The following NSG2 variants were observed in gnomAD, a reference collection of about 807,000 sequenced individuals.
NSG2 encodes the protein neuronal vesicle trafficking associated 2.
NSG2 carries 4 observed loss-of-function variants against 16.9 expected under a neutral mutation model. The ratio of observed to expected loss-of-function variants is 0.24; its 90% CI spans 0.12 to 0.54. The LOEUF is 0.54. Ranked by LOEUF, NSG2 falls within the 20% of genes least tolerant of loss-of-function variation. The pLI, the probability that NSG2 is intolerant of heterozygous loss-of-function variation, is 0.95. For missense variants in NSG2, 179 were observed against 221.1 expected (o/e 0.81, Z 1.21); for synonymous variants, 98 against 88.7 (o/e 1.11, Z -0.59).
rs566423182 is a variant in NSG2, at chr5:174,107,610, C to T, written c.*105C>T. 1.3e-4 allele frequency: 29 copies of T among 219,708 alleles called. No individual in the cohort carries two copies. The highest frequency in any genetic ancestry group is 3.8e-4 in the East Asian group (2 of 5,290). The allele number at this position is 219,708 out of a possible 1,614,324, so 13.6% of individuals were successfully genotyped here. ...ACACTGTACTCCTGGGATATGGGGG[C>T]GGGGGCGGGGCAGGGCAGGGTGGGG... On this transcript the variant is annotated 3_prime_UTR_variant, in exon 5 of 5. Transcript: ENST00000303177. This position sits in a 1 kb window ranked among gnomAD's most constrained non-coding sequence, Gnocchi z 4.5.
chr5:174,102,967 T>G (rs1760924170), intron 3 of NSG2, among the ~76,000 whole-genome samples: 1 of 149,118 alleles, frequency 6.7e-6, no homozygotes, highest in African/African-American at 2.5e-5. Flanking sequence ...TTTTGTATTT[T>G]TAGTAGAGAT....
chr5:174,046,674 G>A lies in NSG2; in HGVS notation c.-22-60G>A, dbSNP rs370576373. ...TGAGGACAGTGCTATTTTCTCTGTC[G>A]TCAGCCCTCTCTTTCTGCCTCACCT... On this transcript the variant is annotated intron_variant, in intron 1 of 4. Transcript: ENST00000303177. 46 of 1,538,620 alleles carry A rather than the reference G, an allele frequency of 3.0e-5. 1 individual carries two copies. Among genetic ancestry groups the A allele is most frequent in the East Asian group, 2.5e-4 (11 of 44,450 alleles).
chr5:174,071,145 TCACCATTCTCTCATTAAAATGAGGTGG>T (rs1345212787), intron 3 of NSG2, among the ~76,000 whole-genome samples: 2 of 152,150 alleles, frequency 1.3e-5, no homozygotes, highest in Non-Finnish European at 2.9e-5. Context: ...GGACCAGAGC[TCACCATTCTCTCATTAAAATGAGGTGG>T]GACCAAGAAC....
intron 3 of NSG2, among the ~76,000 whole-genome samples, chr5:174,100,448 C>T (rs1156479891): frequency 1.3e-5 from 2 of 152,164 alleles, no homozygotes; most frequent in African/African-American, 2.4e-5. Flanking sequence ...ACTAGAGCAG[C>T]GCTTCTCTTC....
intron 3 of NSG2, among the ~76,000 whole-genome samples, chr5:174,099,727 A>C (rs1210728135): frequency 1.3e-5 from 2 of 151,990 alleles, no homozygotes; most frequent in East Asian, 3.9e-4. Context: ...GGCTGATGCC[A>C]TTTCCTCTGC....
chr5:174,107,867 C>T lies in NSG2; in HGVS notation c.*362C>T. On this transcript the variant is annotated 3_prime_UTR_variant, in exon 5 of 5. Coordinates refer to ENST00000303177, the MANE Select transcript of NSG2 (RefSeq NM_015980.5). This position sits in a 1 kb window ranked among gnomAD's most constrained non-coding sequence, Gnocchi z 4.5. ...ACATGAACAAAAAGCATTAAACTGG[C>T]TCCATCAGAAGACGTTGAAGGGCAG... is the stretch of plus-strand genomic sequence containing the variant. The T allele has an allele frequency of 2.4e-6, 1 of 416,028 alleles. No individual in the cohort carries two copies. Among genetic ancestry groups the T allele is most frequent in the East Asian group, 6.5e-5 (1 of 15,396 alleles). The allele number at this position is 416,028 out of a possible 1,614,324, so 25.8% of individuals were successfully genotyped here. A position where few individuals can be genotyped will look rare whatever the true frequency, so the allele number is the denominator to read the frequency against.
intron 3 of NSG2, among the ~76,000 whole-genome samples, chr5:174,092,888 G>A (rs1381750652): frequency 2.0e-5 from 3 of 152,134 alleles, no homozygotes; most frequent in South Asian, 4.2e-4. Flanking sequence ...CAAGATTTAA[G>A]CTGGGATCCA....
chr5:174,101,247 G>T (rs12513681), intron 3 of NSG2, among the ~76,000 whole-genome samples: 26,726 of 152,182 alleles, frequency 0.18, 3,272 homozygotes, highest in African/African-American at 0.34. Flanking sequence ...GGGCAGAGCT[G>T]CAGGTGCCAG....
chr5:174,102,264 A>G (rs1381510982), intron 3 of NSG2, among the ~76,000 whole-genome samples: 1 of 152,168 alleles, frequency 6.6e-6, no homozygotes, highest in Non-Finnish European at 1.5e-5. Flanking sequence ...AAAACTGCCA[A>G]CAGACAACTC....
chr5:174,059,947 A>G (rs2113428970), intron 2 of NSG2, among the ~76,000 whole-genome samples: 1 of 152,296 alleles, frequency 6.6e-6, no homozygotes, highest in East Asian at 1.9e-4. Flanking sequence ...AGTCAATCAA[A>G]TTGTGTGATC....
chr5:174,102,716 T>C (rs778184444), intron 3 of NSG2, among the ~76,000 whole-genome samples: 1 of 152,112 alleles, frequency 6.6e-6, no homozygotes, highest in African/African-American at 2.4e-5. Context: ...TGGAGACCAC[T>C]GCAGGCTTTC....
At chr5:174,078,748 C>T (rs927102267) in intron 3 of NSG2, among the ~76,000 whole-genome samples, 1 of 152,136 alleles carries the variant, frequency 6.6e-6, no homozygotes, top group African/African-American at 2.4e-5. Flanking sequence ...CTTGATCTAC[C>T]CTTCCACCAT....
At chr5:174,090,586 T>C (rs890156548) in intron 3 of NSG2, among the ~76,000 whole-genome samples, 6 of 152,188 alleles carry the variant, frequency 3.9e-5, no homozygotes, top group Non-Finnish European at 8.8e-5. Flanking sequence ...GGGGCCAGTC[T>C]TGCATGCAGA....
chr5:174,057,564 G>A (rs754724459), intron 2 of NSG2, among the ~76,000 whole-genome samples: 1 of 152,144 alleles, frequency 6.6e-6, no homozygotes, highest in Non-Finnish European at 1.5e-5. Context: ...GCTCTCTGCC[G>A]GTCCCCATGC....
intron 3 of NSG2, chr5:174,064,538 GATAA>G: frequency 2.7e-6 from 1 of 371,158 alleles, no homozygotes; most frequent in Non-Finnish European, 4.8e-6. Context: ...GGAATGTTCT[GATAA>G]ATCTCATAAT....
In NSG2 at chr5:174,064,301, A is replaced by C; in HGVS notation, c.199A>C (p.Ile67Leu). 1 of 1,611,040 alleles carries C rather than the reference A, an allele frequency of 6.2e-7. No individual in the cohort carries two copies. The highest frequency in any genetic ancestry group is 8.5e-7 in the Non-Finnish European group (1 of 1,178,036). The change falls in exon 3 of 5, where the codon ATC becomes CTC. Residue 67 changes from isoleucine to leucine, a missense_variant. By Grantham distance (5) the Ile-to-Leu change is conservative. Transcript: ENST00000303177. ...CAAAGGGAAGTTCCGGGTGCCGAAA[A>C]TCGCTGAATTTACGGTCAGTTTCTT... ...KNKGKFRVPK[I>L]AEFTVTILVS...
intron 1 of NSG2, 43 bp from the exon 2 acceptor site, chr5:174,046,691 G>A: frequency 1.2e-6 from 2 of 1,600,662 alleles, no homozygotes; most frequent in Non-Finnish European, 1.7e-6. Flanking sequence ...CTCTCTTTCT[G>A]CCTCACCTCC....
chr5:174,093,494 C>T (rs566452742), intron 3 of NSG2, among the ~76,000 whole-genome samples: 131 of 152,286 alleles, frequency 8.6e-4, no homozygotes, highest in Non-Finnish European at 1.5e-3. Flanking sequence ...CTTCTGGCTT[C>T]GAAGGCTCTG....
Position 174,106,210 on chromosome 5 carries a change from G to C in NSG2, c.325-1104G>C, listed in dbSNP as rs190557454. On this transcript the variant is annotated intron_variant, in intron 4 of 4. Transcript: ENST00000303177. ...ATCAGGAGGAAGGGATGGACGCAAGGCTTCTTCGGATCTATCTTCTTAAAT... is the reference window on the plus strand; with the variant it reads ...ATCAGGAGGAAGGGATGGACGCAAGCCTTCTTCGGATCTATCTTCTTAAAT... Among the ~76,000 whole-genome samples the C allele has an allele frequency of 1.6e-4, 25 of 152,222 alleles. No homozygotes were observed. The East Asian group carries it at 4.0e-3, about 25-fold the overall frequency.
Sources: allele counts gnomAD v4.1 joint callset (sites outside exome capture counted in the v4.1 genomes callset), GRCh38; gene constraint gnomAD v4.1.1; non-coding constraint Gnocchi (gnomAD v3.1); transcripts MANE v1.5; gene names NCBI Gene and HGNC (gene_info 2026-07-23, HGNC 2026-07-21).